ZMAT4: variants seen among roughly 807,000 people sequenced by gnomAD.
ZMAT4 encodes the protein zinc finger matrin-type 4.
In ZMAT4, 17 loss-of-function variants were observed where a neutral mutation model predicts 28.7. The observed-to-expected ratio is 0.59, with a 90% CI of 0.41 to 0.89. ZMAT4 has a LOEUF of 0.89. Among genes scored for constraint, ZMAT4 ranks in the 40% least tolerant of loss-of-function variants. The pLI is 0.00. For synonymous variants in ZMAT4, 117 were observed against 109.2 expected (o/e 1.07, Z -0.44); for missense variants, 240 against 283.8 (o/e 0.85, Z 1.11).
At chr8:40,814,471 C>T (rs1342879362) in intron 2 of ZMAT4, among the ~76,000 whole-genome samples, 3 of 152,178 alleles carry the variant, frequency 2.0e-5, no homozygotes. Flanking sequence ...ATCTGAAAAG[C>T]AACTGATATG....
rs539953916 is a variant in ZMAT4, at chr8:40,649,699, A to C, written c.577+25005T>G. On this transcript the variant is annotated intron_variant, in intron 5 of 6. Coordinates refer to ENST00000297737, the MANE Select transcript of ZMAT4 (RefSeq NM_024645.3). ...AGTAAAGCTCTCCTCAGCAAATGTA[A>C]AAGAACAGAAATTATAACAAACTAT... 6.0e-4 allele frequency among the ~76,000 whole-genome samples: 91 copies of C among 152,176 alleles called. No homozygotes were observed. The South Asian group carries it at 0.018, about 30-fold the overall frequency.
intron 1 of ZMAT4, among the ~76,000 whole-genome samples, chr8:40,883,842 G>A (rs916896912): frequency 6.6e-6 from 1 of 152,050 alleles, no homozygotes; most frequent in Admixed American, 6.5e-5. Context: ...AGCTACCTCC[G>A]CAGCAGCTCC....
chr8:40,581,344 G>C, intron 5 of ZMAT4, 83 bp from the exon 6 acceptor site: 1 of 1,198,096 alleles, frequency 8.3e-7, no homozygotes, highest in Non-Finnish European at 1.2e-6. Flanking sequence ...GAAGTTCAGG[G>C]ACACAGTGTC....
At chr8:40,798,526 T>C (rs754042127) in intron 2 of ZMAT4, among the ~76,000 whole-genome samples, 1 of 152,224 alleles carries the variant, frequency 6.6e-6, no homozygotes, top group Non-Finnish European at 1.5e-5. Context: ...GATTCCACTG[T>C]GAAGAGCTGC....
chr8:40,586,388 T>C (rs1221524002), intron 5 of ZMAT4, among the ~76,000 whole-genome samples: 6 of 152,178 alleles, frequency 3.9e-5, no homozygotes, highest in Non-Finnish European at 4.4e-5. Context: ...TAGAAAAACA[T>C]AGTTCCTACC....
At chr8:40,781,001 A>G (rs888358510) in intron 2 of ZMAT4, among the ~76,000 whole-genome samples, 1 of 152,202 alleles carries the variant, frequency 6.6e-6, no homozygotes, top group Admixed American at 6.5e-5. Context: ...TGCCACTTCC[A>G]TTTGACACTG....
intron 1 of ZMAT4, among the ~76,000 whole-genome samples, chr8:40,853,050 A>G (rs142211780): frequency 2.0e-5 from 3 of 152,300 alleles, no homozygotes; most frequent in Non-Finnish European, 4.4e-5. Flanking sequence ...CTGAATAGCC[A>G]TGGTTTGTCT....
chr8:40,658,765 C>T (rs1442790730), intron 5 of ZMAT4, among the ~76,000 whole-genome samples: 2 of 152,016 alleles, frequency 1.3e-5, no homozygotes, highest in Admixed American at 1.3e-4. Flanking sequence ...GCCAGTAAGA[C>T]TGTGGGTTTT....
intron 3 of ZMAT4, among the ~76,000 whole-genome samples, chr8:40,742,959 C>A (rs1024880263): frequency 2.6e-5 from 4 of 152,048 alleles, no homozygotes; most frequent in Non-Finnish European, 5.9e-5. Context: ...TGCCTGTAAT[C>A]CTAGCACTTT....
In ZMAT4 at chr8:40,617,533, G is replaced by A. The variant is rs189018801; in HGVS notation, c.578-36272C>T. 1.3e-3 allele frequency among the ~76,000 whole-genome samples: 203 copies of A among 152,288 alleles called. 7 individuals carry two copies. The East Asian group carries it at 0.017, about 13-fold the overall frequency. On this transcript the variant is annotated intron_variant, in intron 5 of 6. Transcript: ENST00000297737. ...CTTGGAATGCTGAAACGCTATGCAA[G>A]CAGACACAATCGTTTGGGTTTCAGG...
chr8:40,859,131 G>A (rs1817401149), intron 1 of ZMAT4, among the ~76,000 whole-genome samples: 1 of 152,164 alleles, frequency 6.6e-6, no homozygotes, highest in Non-Finnish European at 1.5e-5. Context: ...AGCAACTTCA[G>A]AAGGATTGTG....
chr8:40,749,884 A>G (rs1164636821), intron 3 of ZMAT4, among the ~76,000 whole-genome samples: 1 of 152,244 alleles, frequency 6.6e-6, no homozygotes, highest in Non-Finnish European at 1.5e-5. Context: ...AAATGCACAC[A>G]GCAATGCTTA....
At chr8:40,785,297 C>A (rs758379772) in intron 2 of ZMAT4, among the ~76,000 whole-genome samples, 6 of 152,234 alleles carry the variant, frequency 3.9e-5, no homozygotes, top group Non-Finnish European at 8.8e-5. Flanking sequence ...TTAGCCCTTT[C>A]TGATTTTCAT....
chr8:40,639,489 C>G (rs1314749602), intron 5 of ZMAT4, among the ~76,000 whole-genome samples: 1 of 152,122 alleles, frequency 6.6e-6, no homozygotes, highest in Middle Eastern at 3.2e-3. Context: ...ATTTTCCTAA[C>G]AATTCTTCAT....
intron 4 of ZMAT4, among the ~76,000 whole-genome samples, chr8:40,692,799 T>C (rs984761432): frequency 1.3e-5 from 2 of 152,176 alleles, no homozygotes; most frequent in African/African-American, 4.8e-5. Context: ...TCATATTTTC[T>C]CCAAAAGTAA....
At chr8:40,788,384 A>G (rs913077047) in intron 2 of ZMAT4, among the ~76,000 whole-genome samples, 52 of 152,274 alleles carry the variant, frequency 3.4e-4, no homozygotes, top group African/African-American at 1.2e-3. Flanking sequence ...GGAGATCGAG[A>G]TCATCCTGGC....
At chr8:40,537,651 T>C (rs1015073635) in intron 6 of ZMAT4, among the ~76,000 whole-genome samples, 4 of 152,228 alleles carry the variant, frequency 2.6e-5, no homozygotes, top group Non-Finnish European at 4.4e-5. Flanking sequence ...AAATATTCTC[T>C]TTATAATCTT....
intron 3 of ZMAT4, among the ~76,000 whole-genome samples, chr8:40,745,561 A>G (rs1476660122): frequency 6.6e-6 from 1 of 152,170 alleles, no homozygotes; most frequent in Non-Finnish European, 1.5e-5. Context: ...TCCTTTCCCA[A>G]GCCAAGGATC....
intron 5 of ZMAT4, among the ~76,000 whole-genome samples, chr8:40,605,944 A>G (rs1805564684): frequency 6.6e-6 from 1 of 152,088 alleles, no homozygotes; most frequent in Non-Finnish European, 1.5e-5. Flanking sequence ...TTGTCTTTTT[A>G]AACTGTTTTT....
Sources: gnomAD v4.1 joint callset for allele counts (sites outside exome capture counted in the v4.1 genomes callset) on GRCh38, gnomAD v4.1.1 for gene constraint, MANE v1.5 for transcripts, NCBI Gene and HGNC (gene_info 2026-07-23, HGNC 2026-07-21) for gene names.